The following WDR33 variants were observed in gnomAD, a reference collection of about 807,000 sequenced individuals.
The protein encoded by WDR33 is WD repeat domain 33.
A neutral mutation model predicts 164.9 loss-of-function variants in WDR33; 47 were observed. The ratio of observed to expected loss-of-function variants is 0.29; its 90% CI spans 0.23 to 0.36. The LOEUF is 0.36. WDR33 is among the 10% of genes least tolerant of loss of function. The probability of loss-of-function intolerance (pLI) is 1.00; values close to 1 mark genes in which losing one functional copy is unlikely to be tolerated. For synonymous variants in WDR33, 505 were observed against 589.0 expected, an observed-to-expected ratio of 0.86 and a Z score of 2.06; for missense variants, 1,137 against 1,754.1, an observed-to-expected ratio of 0.65 and a Z score of 6.28.
intron 8 of WDR33, 87 bp from the exon 9 acceptor site, chr2:127,725,302 A>G: frequency 2.2e-6 from 3 of 1,336,462 alleles, no homozygotes; most frequent in Non-Finnish European, 3.0e-6. Context: ...GAATTAATCA[A>G]GATGGCAAGA....
chr2:127,785,691 T>C (rs917508992), intron 1 of WDR33, among the ~76,000 whole-genome samples: 2 of 152,188 alleles, frequency 1.3e-5, no homozygotes, highest in African/African-American at 4.8e-5. Context: ...CGTTACTCTA[T>C]GGATGTACCA....
chr2:127,777,152 G>A (rs982449652), intron 1 of WDR33, among the ~76,000 whole-genome samples: 1 of 152,166 alleles, frequency 6.6e-6, no homozygotes, highest in Admixed American at 6.5e-5. Context: ...AAATTGCTAA[G>A]GACAAGAATC....
At chr2:127,758,358 A>AT (rs1276774122) in intron 7 of WDR33, among the ~76,000 whole-genome samples, 3 of 152,298 alleles carry the variant, frequency 2.0e-5, no homozygotes. Flanking sequence ...TTGGAGCCAA[A>AT]CAGGCTTCAA....
Position 127,724,790 on chromosome 2 carries a change from T to A in WDR33, c.1085+97A>T. ...TGCAAGCAGTCTCTGATATAGGATA[T>A]ATGAACACTTAGAAAAGCTACAAAA... On this transcript the variant is annotated intron_variant, in intron 10 of 21. Coordinates refer to ENST00000322313, the MANE Select transcript of WDR33 (RefSeq NM_018383.5). This position sits in a 1 kb window ranked among gnomAD's most constrained non-coding sequence, Gnocchi z 4.8. 7.4e-7 allele frequency: 1 copy of A among 1,344,024 alleles called. No homozygotes were observed. Among genetic ancestry groups the A allele is most frequent in the Non-Finnish European group, 1.1e-6 (1 of 937,430 alleles). 83.3% of individuals were successfully genotyped at this position (1,344,024 alleles called of 1,614,324 possible).
chr2:127,780,108 G>C (rs1339024014), intron 1 of WDR33, among the ~76,000 whole-genome samples: 1 of 151,886 alleles, frequency 6.6e-6, no homozygotes, highest in African/African-American at 2.4e-5. Flanking sequence ...CGAGTAGCTG[G>C]GAATACAGGC....
chr2:127,746,092 C>T (rs1356457982), intron 7 of WDR33, among the ~76,000 whole-genome samples: 1 of 142,834 alleles, frequency 7.0e-6, no homozygotes, highest in Non-Finnish European at 1.5e-5. Context: ...AAGAGAACAA[C>T]TCTAATGCAG....
At chr2:127,788,696 G>A (rs1573464330) in intron 1 of WDR33, among the ~76,000 whole-genome samples, 1 of 148,388 alleles carries the variant, frequency 6.7e-6, no homozygotes, top group East Asian at 2.1e-4. Context: ...GCCAGGTGGG[G>A]GGCTGACCCC....
rs1001854361 is a variant in WDR33, at chr2:127,782,559, G to C, written c.-23-11555C>G. Among the ~76,000 whole-genome samples, 3 of 152,120 alleles carry C rather than the reference G, an allele frequency of 2.0e-5. 1 individual carries two copies. In the South Asian group the frequency reaches 6.2e-4, roughly 32 times the overall value. On this transcript the variant is annotated intron_variant, in intron 1 of 21. Coordinates refer to ENST00000322313, the MANE Select transcript of WDR33 (RefSeq NM_018383.5). ...TTCCACTCTGTACAGTAGGCTCTCT[G>C]TATCTATCTGTTCTGCATCCATGGA... is the stretch of plus-strand genomic sequence containing the variant.
chr2:127,752,339 C>T (rs1687392136), intron 7 of WDR33, among the ~76,000 whole-genome samples: 1 of 151,938 alleles, frequency 6.6e-6, no homozygotes, highest in Non-Finnish European at 1.5e-5. Flanking sequence ...GCCTGTAATC[C>T]CAGCACTTTG....
At chr2:127,737,948 G>C in intron 7 of WDR33, 1 of 1,598,222 alleles carries the variant, frequency 6.3e-7, no homozygotes, top group Non-Finnish European at 8.5e-7. Flanking sequence ...ATCTTCTTGG[G>C]TATATTCACA....
chr2:127,733,023 T>C (rs2105393313), intron 7 of WDR33, among the ~76,000 whole-genome samples: 1 of 152,290 alleles, frequency 6.6e-6, no homozygotes, highest in South Asian at 2.1e-4. Flanking sequence ...ACTGCAAGAA[T>C]ACAGACTTAA....
intron 7 of WDR33, among the ~76,000 whole-genome samples, chr2:127,729,896 TAAGAA>T (rs1171821882): frequency 6.6e-6 from 1 of 152,156 alleles, no homozygotes; most frequent in Non-Finnish European, 1.5e-5. Context: ...TAAAGTTACT[TAAGAA>T]AATATATGAA....
chr2:127,703,060 T>G lies in WDR33; in HGVS notation c.*3263A>C, dbSNP rs1483731175. ...ATATCTAATTGCTGCTGCCTTCATT[T>G]TAGGTTCAGCAGTTACTTTTAACTA... On this transcript the variant is annotated 3_prime_UTR_variant, in exon 22 of 22. Coordinates refer to ENST00000322313, the MANE Select transcript of WDR33 (RefSeq NM_018383.5). 6.0e-6 allele frequency: 1 copy of G among 167,096 alleles called. No homozygotes were observed. Among genetic ancestry groups the G allele is most frequent in the African/African-American group, 2.4e-5 (1 of 41,472 alleles). The allele number at this position is 167,096 out of a possible 1,614,324, so 10.4% of individuals were successfully genotyped here.
chr2:127,723,376 G>A lies in WDR33; in HGVS notation c.1197-29C>T. 6.3e-7 allele frequency: 1 copy of A among 1,596,574 alleles called. No individual in the cohort carries two copies. Among genetic ancestry groups the A allele is most frequent in the South Asian group, 1.1e-5 (1 of 90,642 alleles). On this transcript the variant is annotated intron_variant, in intron 11 of 21. Coordinates refer to ENST00000322313, the MANE Select transcript of WDR33 (RefSeq NM_018383.5). The surrounding 1 kb of genome is among the most constrained non-coding windows in gnomAD (Gnocchi z 5.9). ...TAAAAATAATTAAAGGAGAAAAGAA[G>A]CATGGCTTCACTATTTTTTTGGGCA...
At chr2:127,804,532 G>A (rs1689366426) in intron 1 of WDR33, among the ~76,000 whole-genome samples, 1 of 152,092 alleles carries the variant, frequency 6.6e-6, no homozygotes, top group Non-Finnish European at 1.5e-5. Flanking sequence ...ACACTAAATG[G>A]CTCCGAAAAT....
rs376587445 is a variant in WDR33 at position 127,805,372 on chromosome 2, G to A, written c.-24+5640C>T. On this transcript the variant is annotated intron_variant, in intron 1 of 21. Transcript: ENST00000322313. ...GCTGGGATTACAGACATGAGCCAGCGCACCTGGCCTCTATGAAGTATTTTT... is the reference window on the plus strand; with the variant it reads ...GCTGGGATTACAGACATGAGCCAGCACACCTGGCCTCTATGAAGTATTTTT... Among the ~76,000 whole-genome samples the A allele has an allele frequency of 1.1e-4, 16 of 151,932 alleles. No individual in the cohort carries two copies. In the South Asian group the frequency reaches 2.3e-3, roughly 22 times the overall value.
At position 127,745,667 on chromosome 2, in the gene WDR33, A is replaced by G. The variant is rs151246370; in HGVS notation, c.724+17395T>C. Among the ~76,000 whole-genome samples the G allele has an allele frequency of 2.1e-3, 315 of 152,310 alleles. 1 individual carries two copies. Among genetic ancestry groups the G allele is most frequent in the African/African-American group, 7.2e-3 (298 of 41,562 alleles). On this transcript the variant is annotated intron_variant, in intron 7 of 21. Transcript: ENST00000322313. ...AAAAATGTCCAAATAAACAGCTCAT[A>G]CCACAGACATACCACTTTATGGGCT...
intron 7 of WDR33, among the ~76,000 whole-genome samples, chr2:127,754,370 A>C (rs1042504252): frequency 6.6e-6 from 1 of 152,156 alleles, no homozygotes; most frequent in Non-Finnish European, 1.5e-5. Context: ...AAATGTGGCA[A>C]AATTTCATGA....
chr2:127,792,746 T>C (rs1688884378), intron 1 of WDR33, among the ~76,000 whole-genome samples: 1 of 152,160 alleles, frequency 6.6e-6, no homozygotes, highest in African/African-American at 2.4e-5. Flanking sequence ...ATTCACAAAC[T>C]TTCCAAATTT....
Sources: gnomAD v4.1 joint callset for allele counts (sites outside exome capture counted in the v4.1 genomes callset) on GRCh38, gnomAD v4.1.1 for gene constraint, Gnocchi (gnomAD v3.1) non-coding constraint, MANE v1.5 for transcripts, NCBI Gene and HGNC (gene_info 2026-07-23, HGNC 2026-07-21) for gene names.